Variants in ROBO1 observed in about 807,000 individuals in gnomAD.
The protein encoded by ROBO1 is roundabout guidance receptor 1, also known as roundabout homolog 1.
A neutral mutation model predicts 195.9 loss-of-function variants in ROBO1; 149 were observed. The ratio of observed to expected loss-of-function variants is 0.76; its 90% CI spans 0.67 to 0.87. ROBO1 has a LOEUF of 0.87. ROBO1 is among the 40% of genes least tolerant of loss of function. ROBO1 has a pLI of 0.00. For synonymous variants in ROBO1, 816 were observed against 733.2 expected (o/e 1.11, Z -1.82); for missense variants, 1,933 against 2,068.3 (o/e 0.93, Z 1.27).
intron 1 of ROBO1, among the ~76,000 whole-genome samples, chr3:79,632,540 G>C (rs1945375843): frequency 6.6e-6 from 1 of 152,056 alleles, no homozygotes; most frequent in Non-Finnish European, 1.5e-5. Flanking sequence ...TCACAATTCA[G>C]GGGACAGGCA....
intron 4 of ROBO1, among the ~76,000 whole-genome samples, chr3:78,864,149 C>T (rs1404766265): frequency 6.6e-6 from 1 of 152,170 alleles, no homozygotes; most frequent in Non-Finnish European, 1.5e-5. Flanking sequence ...CTATTCATCC[C>T]TCTCCTCCTA....
rs140973278 is a variant in ROBO1, at chr3:78,803,171, C to T, written c.500-56271G>A. ...TTACTGGCTGTGTATTTTTGGCAAA[C>T]TAATCAACCTGCCTGATCTTAAGCT... On this transcript the variant is annotated intron_variant, in intron 4 of 30. Transcript: ENST00000464233. 7.8e-3 allele frequency among the ~76,000 whole-genome samples: 1,181 copies of T among 152,244 alleles called. 8 individuals carry two copies. The highest frequency in any genetic ancestry group is 0.014 in the Non-Finnish European group (946 of 67,994).
At chr3:79,112,852 A>G (rs1316927507) in intron 3 of ROBO1, among the ~76,000 whole-genome samples, 1 of 152,120 alleles carries the variant, frequency 6.6e-6, no homozygotes, top group Non-Finnish European at 1.5e-5. Flanking sequence ...AACATGGCAT[A>G]TGTATACATA....
chr3:79,281,309 G>T (rs942338425), intron 2 of ROBO1, among the ~76,000 whole-genome samples: 17 of 147,464 alleles, frequency 1.2e-4, no homozygotes, highest in East Asian at 3.9e-4. Flanking sequence ...CTTATTTATT[G>T]ATTGATTGAT....
chr3:79,460,212 A>G (rs1258832495), intron 2 of ROBO1, among the ~76,000 whole-genome samples: 1 of 152,204 alleles, frequency 6.6e-6, no homozygotes, highest in Non-Finnish European at 1.5e-5. Flanking sequence ...ACTTAAATTG[A>G]TAAATGTAAT....
At position 78,597,421 on chromosome 3, in the gene ROBO1, C is replaced by T. The variant is rs1390913441; in HGVS notation, c.*1492G>A. ...TTTCTATGGAACTTTTTCAAATTATCTAAATGAACAAGTTTGGTTTTGGTG... is the reference window on the plus strand; with the variant it reads ...TTTCTATGGAACTTTTTCAAATTATTTAAATGAACAAGTTTGGTTTTGGTG... On this transcript the variant is annotated 3_prime_UTR_variant, in exon 31 of 31. Coordinates refer to ENST00000464233, the MANE Select transcript of ROBO1 (RefSeq NM_002941.4). The T allele has an allele frequency of 6.6e-6, 1 of 152,492 alleles. No homozygotes were observed. The highest frequency in any genetic ancestry group is 1.5e-5 in the Non-Finnish European group (1 of 67,978). 9.4% of individuals were successfully genotyped at this position (152,492 alleles called of 1,614,324 possible). A position where few individuals can be genotyped will look rare whatever the true frequency, so the allele number is the denominator to read the frequency against.
intron 2 of ROBO1, among the ~76,000 whole-genome samples, chr3:79,314,746 C>G (rs2033656637): frequency 6.6e-6 from 1 of 152,178 alleles, no homozygotes; most frequent in Admixed American, 6.5e-5. Flanking sequence ...GCCCAGAAAA[C>G]AAGAAATTCC....
intron 2 of ROBO1, among the ~76,000 whole-genome samples, chr3:79,327,514 C>A (rs1381407163): frequency 6.6e-6 from 1 of 151,862 alleles, no homozygotes; most frequent in East Asian, 1.9e-4. Context: ...TCATCATATT[C>A]AAATCATCAA....
chr3:79,663,211 T>C (rs1461809396), intron 1 of ROBO1, among the ~76,000 whole-genome samples: 1 of 152,088 alleles, frequency 6.6e-6, no homozygotes, highest in Non-Finnish European at 1.5e-5. Context: ...TGATAACTAT[T>C]GCATTACTTA....
intron 3 of ROBO1, among the ~76,000 whole-genome samples, chr3:78,948,090 A>C (rs2107751416): frequency 6.6e-6 from 1 of 152,274 alleles, no homozygotes; most frequent in Non-Finnish European, 1.5e-5. Flanking sequence ...ATTCTACCAG[A>C]GGTAGAAAAA....
intron 2 of ROBO1, among the ~76,000 whole-genome samples, chr3:79,206,019 C>T (rs1026181990): frequency 4.6e-5 from 7 of 152,144 alleles, no homozygotes; most frequent in African/African-American, 9.7e-5. Flanking sequence ...TTACCTGTGG[C>T]CAATTGTGGT....
At chr3:79,608,460 G>C (rs909950882) in intron 1 of ROBO1, among the ~76,000 whole-genome samples, 3 of 151,946 alleles carry the variant, frequency 2.0e-5, no homozygotes, top group African/African-American at 4.8e-5. Flanking sequence ...AAAACACACT[G>C]CTTCATAATT....
chr3:78,669,354 C>T (rs997931325), intron 11 of ROBO1, among the ~76,000 whole-genome samples: 7 of 152,172 alleles, frequency 4.6e-5, no homozygotes, highest in Non-Finnish European at 8.8e-5. Context: ...TGTTGTGGCA[C>T]TTAAAGTGAA....
chr3:79,261,519 G>T (rs2082937749), intron 2 of ROBO1, among the ~76,000 whole-genome samples: 2 of 152,012 alleles, frequency 1.3e-5, no homozygotes, highest in Admixed American at 1.3e-4. Flanking sequence ...CAAACATATT[G>T]TGAAATTAAA....
intron 2 of ROBO1, among the ~76,000 whole-genome samples, chr3:79,586,387 G>A (rs1268007821): frequency 6.6e-6 from 1 of 151,884 alleles, no homozygotes; most frequent in African/African-American, 2.4e-5. Flanking sequence ...GGGTGGGGCA[G>A]ATAAGCAGTA....
chr3:78,845,476 G>C lies in ROBO1; in HGVS notation c.499+93125C>G, dbSNP rs561877275. Among the ~76,000 whole-genome samples the C allele has an allele frequency of 3.3e-5, 5 of 152,038 alleles. No individual in the cohort carries two copies. The East Asian group carries it at 9.6e-4, about 29-fold the overall frequency. On this transcript the variant is annotated intron_variant, in intron 4 of 30. Coordinates refer to ENST00000464233, the MANE Select transcript of ROBO1 (RefSeq NM_002941.4). Reference sequence around the variant, plus strand: ...AGTATATTTCTCTTGTATTTTATATGTATACACTTTAGTGTGTGATATCTA... The same window carrying C: ...AGTATATTTCTCTTGTATTTTATATCTATACACTTTAGTGTGTGATATCTA...
chr3:78,629,489 C>T (rs761343201), intron 25 of ROBO1, among the ~76,000 whole-genome samples: 12 of 151,872 alleles, frequency 7.9e-5, no homozygotes, highest in Non-Finnish European at 1.8e-4. Context: ...ATCAGGAGTT[C>T]GAGAACAGCC....
chr3:79,337,458 C>A (rs1261780742), intron 2 of ROBO1, among the ~76,000 whole-genome samples: 1 of 152,164 alleles, frequency 6.6e-6, no homozygotes. Flanking sequence ...TTGGCCCTCA[C>A]TTCTCTCTCC....
intron 20 of ROBO1, 146 bp downstream of exon 20, chr3:78,647,483 C>A (rs1706375654): frequency 2.6e-6 from 2 of 781,048 alleles, no homozygotes; most frequent in Non-Finnish European, 4.5e-6. Context: ...TAAACACATG[C>A]CTGGTGTGAG....
Sources: allele counts gnomAD v4.1 joint callset (sites outside exome capture counted in the v4.1 genomes callset), GRCh38; gene constraint gnomAD v4.1.1; transcripts MANE v1.5; gene names NCBI Gene and HGNC (gene_info 2026-07-23, HGNC 2026-07-21).